GALNTL6: variants seen among roughly 807,000 people sequenced by gnomAD.
GALNTL6 encodes the protein polypeptide N-acetylgalactosaminyltransferase-like 6.
In GALNTL6, 46 loss-of-function variants were observed where a neutral mutation model predicts 73.7. The ratio of observed to expected loss-of-function variants is 0.62; its 90% CI spans 0.49 to 0.80. The LOEUF (loss-of-function observed/expected upper bound fraction) is 0.80. GALNTL6 is among the 30% of genes least tolerant of loss of function. The probability of loss-of-function intolerance (pLI) is 0.00; values close to 1 mark genes in which losing one functional copy is unlikely to be tolerated. For missense variants in GALNTL6, 604 were observed against 755.0 expected (o/e 0.80, Z 2.34); for synonymous variants, 259 against 263.7 (o/e 0.98, Z 0.17).
intron 2 of GALNTL6, among the ~76,000 whole-genome samples, chr4:172,089,570 T>C (rs535099662): frequency 6.4e-4 from 97 of 152,168 alleles, no homozygotes; most frequent in African/African-American, 2.3e-3. Flanking sequence ...TGGAGGAAAC[T>C]GAATATTCAG....
chr4:171,951,704 G>T (rs1056543820), intron 2 of GALNTL6, among the ~76,000 whole-genome samples: 11 of 151,872 alleles, frequency 7.2e-5, no homozygotes, highest in African/African-American at 2.7e-4. Flanking sequence ...TTAAAAACTG[G>T]AATTAAGTAA....
intron 2 of GALNTL6, among the ~76,000 whole-genome samples, chr4:171,942,454 T>C (rs1308595200): frequency 1.3e-5 from 2 of 152,144 alleles, no homozygotes; most frequent in Non-Finnish European, 2.9e-5. Context: ...ATAGGTCTTA[T>C]TTGAATCACT....
At chr4:172,762,081 A>C (rs1250635655) in intron 5 of GALNTL6, among the ~76,000 whole-genome samples, 1 of 152,248 alleles carries the variant, frequency 6.6e-6, no homozygotes, top group Non-Finnish European at 1.5e-5. Context: ...CCAATTAAAA[A>C]AAATTCTTCT....
At chr4:172,114,170 TA>T (rs1732927436) in intron 2 of GALNTL6, among the ~76,000 whole-genome samples, 1 of 152,078 alleles carries the variant, frequency 6.6e-6, no homozygotes, top group Non-Finnish European at 1.5e-5. Context: ...TATGAGGGTT[TA>T]AAAGGGATGA....
chr4:172,907,221 C>T (rs1746946767), intron 8 of GALNTL6, among the ~76,000 whole-genome samples: 6 of 151,192 alleles, frequency 4.0e-5, no homozygotes, highest in Admixed American at 3.3e-4. Flanking sequence ...AACTTTTTTT[C>T]TAAAATCAGA....
At chr4:172,237,152 T>C (rs1336431057) in intron 3 of GALNTL6, among the ~76,000 whole-genome samples, 1 of 152,220 alleles carries the variant, frequency 6.6e-6, no homozygotes, top group African/African-American at 2.4e-5. Flanking sequence ...GTCTTTGTTA[T>C]GGTGAATAGT....
At chr4:172,025,388 GA>G (rs1454302041) in intron 2 of GALNTL6, among the ~76,000 whole-genome samples, 2 of 151,980 alleles carry the variant, frequency 1.3e-5, no homozygotes, top group Non-Finnish European at 2.9e-5. Flanking sequence ...CAGTGACCTT[GA>G]AAACTTCTAG....
In GALNTL6 at chr4:172,853,088, A is replaced by T. The variant is rs531533833; in HGVS notation, c.924-29702A>T. ...ATGGTTTCTGCAGGTCAGGAGTCTGAGCACATCTTAATGGGATGCCCCGCA... is the reference window on the plus strand; with the variant it reads ...ATGGTTTCTGCAGGTCAGGAGTCTGTGCACATCTTAATGGGATGCCCCGCA... On this transcript the variant is annotated intron_variant, in intron 7 of 12. Transcript: ENST00000506823. 3.9e-5 allele frequency among the ~76,000 whole-genome samples: 6 copies of T among 152,322 alleles called. No homozygotes were observed. The South Asian group carries it at 1.2e-3, about 32-fold the overall frequency.
intron 3 of GALNTL6, among the ~76,000 whole-genome samples, chr4:172,264,485 TA>T (rs1738365689): frequency 1.4e-5 from 2 of 144,436 alleles, no homozygotes; most frequent in African/African-American, 2.5e-5. Context: ...TATATATATA[TA>T]TTTATACTTA....
intron 5 of GALNTL6, among the ~76,000 whole-genome samples, chr4:172,767,429 T>A (rs1486719136): frequency 6.6e-6 from 1 of 152,144 alleles, no homozygotes; most frequent in Admixed American, 6.5e-5. Flanking sequence ...GCATGCAGCA[T>A]TTCAAATGCC....
In GALNTL6 at chr4:171,865,279, G is replaced by A. The variant is rs113233479; in HGVS notation, c.138+50561G>A. Reference sequence around the variant, plus strand: ...GAATTGTGAAATATAATGAGAGACAGACATACAAATGGGTGCTGGCTGAAA... The same window carrying A: ...GAATTGTGAAATATAATGAGAGACAAACATACAAATGGGTGCTGGCTGAAA... On this transcript the variant is annotated intron_variant, in intron 2 of 12. Transcript: ENST00000506823. 2.0e-4 allele frequency among the ~76,000 whole-genome samples: 30 copies of A among 152,286 alleles called. 1 individual carries two copies. Among genetic ancestry groups the A allele is most frequent in the Non-Finnish European group, 4.1e-4 (28 of 68,008 alleles).
intron 4 of GALNTL6, among the ~76,000 whole-genome samples, chr4:172,332,957 CA>C (rs1741183681): frequency 6.6e-6 from 1 of 152,138 alleles, no homozygotes; most frequent in Non-Finnish European, 1.5e-5. Context: ...ACATGCTTGC[CA>C]AAATCTGTTA....
At chr4:171,999,145 A>C (rs17282964) in intron 2 of GALNTL6, among the ~76,000 whole-genome samples, 3,230 of 152,188 alleles carry the variant, frequency 0.021, 48 homozygotes, top group Non-Finnish European at 0.031. Context: ...CCTGATTCCT[A>C]TGTTATTTAC....
At chr4:172,575,344 A>T (rs1357893001) in intron 5 of GALNTL6, among the ~76,000 whole-genome samples, 5 of 152,192 alleles carry the variant, frequency 3.3e-5, no homozygotes. Context: ...CATAATCATG[A>T]TGAAAGTCCA....
intron 2 of GALNTL6, among the ~76,000 whole-genome samples, chr4:172,047,926 C>T (rs1505492): frequency 5.9e-5 from 9 of 152,068 alleles, no homozygotes; most frequent in Admixed American, 3.9e-4. Context: ...AACATTTTTT[C>T]CACTTGAGTA....
chr4:172,363,318 C>T (rs1041575819), intron 5 of GALNTL6, among the ~76,000 whole-genome samples: 1 of 152,134 alleles, frequency 6.6e-6, no homozygotes, highest in Admixed American at 6.5e-5. Flanking sequence ...ACATCTTCAG[C>T]CCATGTTCCC....
At chr4:172,627,854 C>T (rs1371947577) in intron 5 of GALNTL6, among the ~76,000 whole-genome samples, 2 of 151,584 alleles carry the variant, frequency 1.3e-5, no homozygotes, top group East Asian at 3.9e-4. Context: ...ATAATGTTAT[C>T]TTTGTCATTC....
At chr4:172,824,771 T>A (rs1323042349) in intron 7 of GALNTL6, among the ~76,000 whole-genome samples, 2 of 152,104 alleles carry the variant, frequency 1.3e-5, no homozygotes, top group African/African-American at 2.4e-5. Context: ...TCTAACAAAG[T>A]CAGAGCAAAA....
chr4:172,274,277 G>A (rs1738755543), intron 3 of GALNTL6, among the ~76,000 whole-genome samples: 1 of 152,098 alleles, frequency 6.6e-6, no homozygotes, highest in African/African-American at 2.4e-5. Flanking sequence ...AGAACAACCT[G>A]TCTTGAGAGT....
Sources: allele counts gnomAD v4.1 joint callset (sites outside exome capture counted in the v4.1 genomes callset), GRCh38; gene constraint gnomAD v4.1.1; transcripts MANE v1.5; gene names NCBI Gene and HGNC (gene_info 2026-07-23, HGNC 2026-07-21).